FHIP1A: variants seen among roughly 807,000 people sequenced by gnomAD.
The protein encoded by FHIP1A is FHF complex subunit HOOK interacting protein 1A, also known as FHF complex subunit HOOK-interacting protein 1A.
Under a neutral mutation model 88.6 loss-of-function variants are expected in FHIP1A, and 61 were observed. That is an observed-to-expected ratio of 0.69 (90% CI 0.56 to 0.85). The LOEUF (loss-of-function observed/expected upper bound fraction) is 0.85. FHIP1A is among the 40% of genes least tolerant of loss of function. FHIP1A has a pLI of 0.00. For missense variants in FHIP1A, 1,154 were observed against 1,273.5 expected, an observed-to-expected ratio of 0.91 and a Z score of 1.43; for synonymous variants, 478 against 496.0, an observed-to-expected ratio of 0.96 and a Z score of 0.48.
At chr4:151,636,148 A>G (rs1212929816) in intron 8 of FHIP1A, among the ~76,000 whole-genome samples, 1 of 152,014 alleles carries the variant, frequency 6.6e-6, no homozygotes, top group Non-Finnish European at 1.5e-5. Context: ...ATATCAAACT[A>G]GGATTGTAAA....
intron 7 of FHIP1A, among the ~76,000 whole-genome samples, chr4:151,598,643 T>C (rs1167840072): frequency 6.6e-6 from 1 of 152,248 alleles, no homozygotes; most frequent in Non-Finnish European, 1.5e-5. Flanking sequence ...CTATTCTCTC[T>C]GTCTCATAAA....
intron 1 of FHIP1A, among the ~76,000 whole-genome samples, chr4:151,450,140 A>T (rs1335668196): frequency 6.6e-6 from 1 of 152,220 alleles, no homozygotes; most frequent in Non-Finnish European, 1.5e-5. Flanking sequence ...GGAATCCAAG[A>T]AGTATTATTT....
chr4:151,483,106 A>G (rs919605252), intron 3 of FHIP1A, among the ~76,000 whole-genome samples: 29 of 152,150 alleles, frequency 1.9e-4, no homozygotes, highest in African/African-American at 6.8e-4. Context: ...CAATGGTAGT[A>G]TTGTTAAAAT....
intron 4 of FHIP1A, among the ~76,000 whole-genome samples, chr4:151,573,385 A>C (rs910538082): frequency 1.3e-5 from 2 of 152,088 alleles, no homozygotes; most frequent in African/African-American, 4.8e-5. Context: ...GCTATTTCTG[A>C]TTTCAGCTGG....
rs928764599 is a variant in FHIP1A at position 151,669,453 on chromosome 4, G to A, written c.*6699G>A. On this transcript the variant is annotated 3_prime_UTR_variant, in exon 14 of 14. Transcript: ENST00000435205. Reference sequence around the variant, plus strand: ...TTTTAAATGGTCTGGAAAGATCTTCGATGCTTTCTGTAAGGTTTAGTCACC... The same window carrying A: ...TTTTAAATGGTCTGGAAAGATCTTCAATGCTTTCTGTAAGGTTTAGTCACC... Among the ~76,000 whole-genome samples, 4 of 152,126 alleles carry A rather than the reference G, an allele frequency of 2.6e-5. No homozygotes were observed. Among genetic ancestry groups the A allele is most frequent in the African/African-American group, 7.2e-5 (3 of 41,422 alleles).
intron 5 of FHIP1A, among the ~76,000 whole-genome samples, chr4:151,581,197 A>G (rs1327139125): frequency 6.6e-6 from 1 of 152,200 alleles, no homozygotes; most frequent in African/African-American, 2.4e-5. Flanking sequence ...ATCTTAGTGT[A>G]TGCTGTTTTT....
intron 7 of FHIP1A, among the ~76,000 whole-genome samples, chr4:151,618,533 T>A (rs542708135): frequency 2.0e-5 from 3 of 152,312 alleles, no homozygotes; most frequent in Admixed American, 1.3e-4. Context: ...CATTAGAGGG[T>A]CCTCTAAGTG....
intron 2 of FHIP1A, among the ~76,000 whole-genome samples, chr4:151,471,966 G>C (rs190097060): frequency 5.9e-4 from 90 of 152,202 alleles, no homozygotes; most frequent in African/African-American, 2.0e-3. Flanking sequence ...TTTTATGGCT[G>C]TGTAGTATTC....
intron 2 of FHIP1A, among the ~76,000 whole-genome samples, chr4:151,468,545 T>TA (rs2126612438): frequency 6.6e-6 from 1 of 152,286 alleles, no homozygotes; most frequent in East Asian, 1.9e-4. Context: ...TTTTCACTCT[T>TA]ACGTGAAGTC....
Position 151,649,551 on chromosome 4 carries a change from C to G in FHIP1A, c.1510C>G (p.Leu504Val). The change falls in exon 11 of 14, where the codon CTG becomes GTG. Residue 504 changes from leucine (L) to valine (V), a missense_variant. By Grantham distance (32) the Leu-to-Val change is conservative. Coordinates refer to ENST00000435205, the MANE Select transcript of FHIP1A (RefSeq NM_001109977.3). Reference protein sequence around the residue: ...KALDISYLQYLWEAHTNILRC... With the variant: ...KALDISYLQYVWEAHTNILRC... ...CCTGGACATCAGCTACCTGCAGTAC[C>G]TGTGGGAGGCCCACACCAACATCCT... is the stretch of plus-strand genomic sequence containing the variant. 6.4e-7 allele frequency: 1 copy of G among 1,551,672 alleles called. No homozygotes were observed. The highest frequency in any genetic ancestry group is 8.7e-7 in the Non-Finnish European group (1 of 1,146,942).
At chr4:151,436,097 T>A (rs1728181761) in intron 1 of FHIP1A, among the ~76,000 whole-genome samples, 1 of 152,166 alleles carries the variant, frequency 6.6e-6, no homozygotes, top group South Asian at 2.1e-4. Flanking sequence ...ATCTTAAATA[T>A]GGCAGCGACG....
rs1368310921 is a variant in FHIP1A at position 151,517,204 on chromosome 4, A to G, written c.-123+34556A>G. Among the ~76,000 whole-genome samples, 3 of 152,238 alleles carry G rather than the reference A, an allele frequency of 2.0e-5. No homozygotes were observed. The East Asian group carries it at 5.8e-4, about 29-fold the overall frequency. The stretch of plus-strand genomic sequence containing the variant: ...ATTCTCAGTAAACTATCGCAAGAAC[A>G]AAAAACCAAACACCGCATATTCTCA... On this transcript the variant is annotated intron_variant, in intron 3 of 13. Coordinates refer to ENST00000435205, the MANE Select transcript of FHIP1A (RefSeq NM_001109977.3).
At chr4:151,413,038 C>T (rs1732740483) in intron 1 of FHIP1A, among the ~76,000 whole-genome samples, 1 of 152,034 alleles carries the variant, frequency 6.6e-6, no homozygotes, top group South Asian at 2.1e-4. Context: ...GATGACAGGA[C>T]TATATATGAA....
intron 9 of FHIP1A, among the ~76,000 whole-genome samples, chr4:151,642,942 A>T (rs575855744): frequency 2.1e-4 from 32 of 149,754 alleles, no homozygotes; most frequent in East Asian, 7.8e-4. Context: ...TTATATATAT[A>T]TTTTTCTTTT....
At chr4:151,547,904 A>C (rs1732567829) in intron 3 of FHIP1A, among the ~76,000 whole-genome samples, 1 of 150,212 alleles carries the variant, frequency 6.7e-6, no homozygotes, top group African/African-American at 2.5e-5. Flanking sequence ...ACAGAGTGAG[A>C]CTCCCTCTCA....
intron 7 of FHIP1A, among the ~76,000 whole-genome samples, chr4:151,623,506 G>T (rs191410472): frequency 7.2e-6 from 1 of 139,336 alleles, no homozygotes; most frequent in Admixed American, 7.3e-5. Flanking sequence ...CAACACTCCC[G>T]CTGACTTCCT....
chr4:151,657,754 A>T (rs1308684833), intron 13 of FHIP1A, among the ~76,000 whole-genome samples: 1 of 152,224 alleles, frequency 6.6e-6, no homozygotes, highest in Non-Finnish European at 1.5e-5. Context: ...GCCAAAGGCA[A>T]GTGATCAGAA....
At chr4:151,479,684 C>G (rs1015382585) in intron 2 of FHIP1A, among the ~76,000 whole-genome samples, 1 of 151,982 alleles carries the variant, frequency 6.6e-6, no homozygotes, top group Admixed American at 6.6e-5. Context: ...TGCACCCCAC[C>G]CACATTTGTT....
intron 11 of FHIP1A, among the ~76,000 whole-genome samples, chr4:151,653,869 A>T (rs1008631621): frequency 6.6e-6 from 1 of 152,114 alleles, no homozygotes; most frequent in African/African-American, 2.4e-5. Context: ...TGAGTGGATG[A>T]CAGGAGGGGC....
Sources: allele counts gnomAD v4.1 joint callset (sites outside exome capture counted in the v4.1 genomes callset), GRCh38; gene constraint gnomAD v4.1.1; transcripts MANE v1.5; gene names NCBI Gene and HGNC (gene_info 2026-07-23, HGNC 2026-07-21).